The following MNS1 variants were observed in gnomAD, a reference collection of about 807,000 sequenced individuals.
The protein encoded by MNS1 is meiosis specific nuclear structural 1.
MNS1 carries 63 observed loss-of-function variants against 72.0 expected under a neutral mutation model. The observed-to-expected ratio is 0.87, with a 90% CI of 0.71 to 1.08. MNS1 has a LOEUF of 1.08. Ranked by LOEUF, MNS1 falls within the 50% of genes least tolerant of loss-of-function variation. MNS1 has a pLI of 0.00. For missense variants in MNS1, 604 were observed against 562.4 expected (o/e 1.07, Z -0.75); for synonymous variants, 188 against 172.1 (o/e 1.09, Z -0.72).
chr15:56,461,681 AAC>A (rs1491205532), intron 2 of MNS1, among the ~76,000 whole-genome samples: 6 of 146,964 alleles, frequency 4.1e-5, no homozygotes, highest in African/African-American at 1.2e-4. Context: ...AAAAAAAAAA[AAC>A]GACACAGAGG....
chr15:56,431,252 C>A, intron 9 of MNS1, 121 bp downstream of exon 9: 1 of 1,112,928 alleles, frequency 9.0e-7, no homozygotes, highest in South Asian at 1.6e-5. Flanking sequence ...AGGAGGATCC[C>A]ATTGCTGCTT....
chr15:56,438,320 C>A (rs536754686), intron 7 of MNS1, among the ~76,000 whole-genome samples: 1 of 152,194 alleles, frequency 6.6e-6, no homozygotes, highest in Admixed American at 6.5e-5. Flanking sequence ...CACACATCTA[C>A]AACCATCTGC....
At chr15:56,460,009 A>AAAATAT in intron 2 of MNS1, among the ~76,000 whole-genome samples, 3 of 26,406 alleles carry the variant, frequency 1.1e-4, no homozygotes, top group East Asian at 1.1e-3. Context: ...AAAAAAAAAA[A>AAAATAT]ATACATATAT....
At chr15:56,435,547 T>C (rs1276263817) in intron 7 of MNS1, among the ~76,000 whole-genome samples, 1 of 151,984 alleles carries the variant, frequency 6.6e-6, no homozygotes, top group Non-Finnish European at 1.5e-5. Flanking sequence ...CAAATTATTA[T>C]ACACACATAA....
At chr15:56,441,437 C>T (rs2050812695) in intron 7 of MNS1, among the ~76,000 whole-genome samples, 1 of 152,020 alleles carries the variant, frequency 6.6e-6, no homozygotes, top group African/African-American at 2.4e-5. Context: ...GCGGTTCTGA[C>T]TACCTAGTCT....
chr15:56,444,335 C>A (rs1016294041), intron 5 of MNS1, 109 bp downstream of exon 5: 20 of 824,362 alleles, frequency 2.4e-5, no homozygotes, highest in African/African-American at 3.5e-5. Flanking sequence ...ATTTATTGAG[C>A]ACTTACTATG....
At chr15:56,451,896 C>G (rs529873061) in intron 3 of MNS1, among the ~76,000 whole-genome samples, 3 of 152,056 alleles carry the variant, frequency 2.0e-5, no homozygotes, top group Admixed American at 6.6e-5. Context: ...TTATTACTTA[C>G]GTCTAGTTTA....
intron 8 of MNS1, among the ~76,000 whole-genome samples, chr15:56,433,735 A>G (rs1175347996): frequency 6.6e-6 from 1 of 152,204 alleles, no homozygotes; most frequent in Admixed American, 6.6e-5. Flanking sequence ...GGCTTCCCTT[A>G]GAAAAGCCCA....
intron 8 of MNS1, 26 bp downstream of exon 8, chr15:56,434,112 A>G: frequency 6.3e-7 from 1 of 1,597,190 alleles, no homozygotes; most frequent in Non-Finnish European, 8.5e-7. Flanking sequence ...GATAATGACC[A>G]AAAAAACCCC....
Position 56,428,779 on chromosome 15 carries a change from C to A in MNS1, c.*322G>T. 1 of 349,110 alleles carries A rather than the reference C, an allele frequency of 2.9e-6. No homozygotes were observed. 21.6% of individuals were successfully genotyped at this position (349,110 alleles called of 1,614,324 possible). ...CTGGCTAAATCAAGTAAGTAAAGTTCGTAAACACAGACAGAAGGCAGTTCA... is the reference window on the plus strand; with the variant it reads ...CTGGCTAAATCAAGTAAGTAAAGTTAGTAAACACAGACAGAAGGCAGTTCA... On this transcript the variant is annotated 3_prime_UTR_variant, in exon 10 of 10. Transcript: ENST00000260453.
At position 56,464,213 on chromosome 15, in the gene MNS1, C is replaced by T; in HGVS notation, c.38G>A (p.Arg13Lys). ...SKRRNLSCSE[R>K]HQKLVDENYC... ...GTTTTCATCTACTAATTTCTGATGC[C>T]TTTCACTACAGCTCAAATTTCTCCT... The change falls in exon 2 of 10, where the codon AGG becomes AAG. Residue 13 changes from arginine to lysine, a missense_variant. By Grantham distance (26) the Arg-to-Lys change is conservative. Transcript: ENST00000260453. The T allele has an allele frequency of 1.9e-6, 3 of 1,612,602 alleles. No individual in the cohort carries two copies. The highest frequency in any genetic ancestry group is 2.5e-6 in the Non-Finnish European group (3 of 1,179,648).
At chr15:56,456,626 A>G in intron 2 of MNS1, 105 bp from the exon 3 acceptor site, 1 of 1,070,356 alleles carries the variant, frequency 9.3e-7, no homozygotes. Flanking sequence ...AAGGCCAACA[A>G]TTGATGATGT....
intron 3 of MNS1, among the ~76,000 whole-genome samples, chr15:56,455,519 C>G (rs1426151592): frequency 6.6e-6 from 1 of 152,106 alleles, no homozygotes; most frequent in Non-Finnish European, 1.5e-5. Flanking sequence ...TACAGACGTC[C>G]TGCTCAATTA....
In MNS1 at chr15:56,464,973, C is replaced by G; in HGVS notation, c.-1G>C. 4 of 1,610,930 alleles carry G rather than the reference C, an allele frequency of 2.5e-6. No homozygotes were observed. The highest frequency in any genetic ancestry group is 3.4e-6 in the Non-Finnish European group (4 of 1,178,908). ...TCAAGTCCCCCAACTGGCTCACCAT[C>G]TTGGCTGACGAAAAATACCCCCTCT... On this transcript the variant is annotated 5_prime_UTR_variant, in exon 1 of 10. Coordinates refer to ENST00000260453, the MANE Select transcript of MNS1 (RefSeq NM_018365.4).
intron 3 of MNS1, among the ~76,000 whole-genome samples, chr15:56,455,537 A>C (rs1006056745): frequency 2.6e-5 from 4 of 152,184 alleles, no homozygotes; most frequent in Admixed American, 6.5e-5. Context: ...TTAAGATAAA[A>C]TGTAACAACT....
chr15:56,441,213 C>T (rs1253150531), intron 7 of MNS1, among the ~76,000 whole-genome samples: 6 of 151,660 alleles, frequency 4.0e-5, no homozygotes, highest in African/African-American at 1.5e-4. Context: ...ATTTTCATTA[C>T]TGATTTTTAA....
chr15:56,434,211 A>T lies in MNS1; in HGVS notation c.1196T>A (p.Met399Lys), dbSNP rs2050676623. Residue 399 changes from methionine to lysine, a missense_variant, in exon 8 of 10, where the codon ATG (methionine) becomes AAG (lysine). Physicochemically the swap from Met to Lys is moderately conservative, Grantham distance 95. Transcript: ENST00000260453. Reference sequence around the variant, plus strand: ...AGCCCTCCTGTGTTCCAGCTGCTTCATTCTTTGTTTCTGAGCATTCATTAA... The same window carrying T: ...AGCCCTCCTGTGTTCCAGCTGCTTCTTTCTTTGTTTCTGAGCATTCATTAA... Reference protein sequence around the residue: ...IELMNAQKQRMKQLEHRRAVE... With the variant: ...IELMNAQKQRKKQLEHRRAVE... 1 of 1,613,912 alleles carries T rather than the reference A, an allele frequency of 6.2e-7. No homozygotes were observed. The highest frequency in any genetic ancestry group is 8.5e-7 in the Non-Finnish European group (1 of 1,179,900).
chr15:56,442,690 A>C (rs188577864), intron 7 of MNS1, among the ~76,000 whole-genome samples: 5 of 152,318 alleles, frequency 3.3e-5, no homozygotes, highest in African/African-American at 1.2e-4. Context: ...CTAAATATTG[A>C]GTACACGTGG....
intron 9 of MNS1, among the ~76,000 whole-genome samples, chr15:56,430,372 A>G (rs1307051688): frequency 1.3e-5 from 2 of 152,004 alleles, no homozygotes; most frequent in Non-Finnish European, 2.9e-5. Context: ...ACATCCAGTT[A>G]ACTTTTTATT....
Sources: allele counts gnomAD v4.1 joint callset (sites outside exome capture counted in the v4.1 genomes callset), GRCh38; gene constraint gnomAD v4.1.1; transcripts MANE v1.5; gene names NCBI Gene and HGNC (gene_info 2026-07-23, HGNC 2026-07-21).